The following TDRD7 variants were observed in gnomAD, a reference collection of about 807,000 sequenced individuals.
The protein encoded by TDRD7 is tudor domain-containing protein 7.
In TDRD7, 47 loss-of-function variants were observed where a neutral mutation model predicts 109.8. The observed-to-expected ratio is 0.43, with a 90% confidence interval of 0.34 to 0.55. TDRD7 has a LOEUF of 0.55. TDRD7 is among the 20% of genes least tolerant of loss of function. The pLI is 0.03. For synonymous variants in TDRD7, 424 were observed against 457.3 expected (o/e 0.93, Z 0.93); for missense variants, 1,164 against 1,319.2 (o/e 0.88, Z 1.82).
intron 9 of TDRD7, among the ~76,000 whole-genome samples, chr9:97,471,900 A>G (rs1323737212): frequency 6.6e-6 from 1 of 152,188 alleles, no homozygotes; most frequent in African/African-American, 2.4e-5. Flanking sequence ...TAAGAAAAAT[A>G]ATTGTATATA....
rs559470476 is a variant in TDRD7 at position 97,447,104 on chromosome 9, C to T, written c.855+5229C>T. ...AATTTTTAAATTTAAATTCGGTGAA[C>T]GTCTGAGTAGAAAAAAGATAAAATA... On this transcript the variant is annotated intron_variant, in intron 6 of 16. Transcript: ENST00000355295. 2.6e-4 allele frequency among the ~76,000 whole-genome samples: 40 copies of T among 152,064 alleles called. No homozygotes were observed. The South Asian group carries it at 5.0e-3, about 19-fold the overall frequency.
intron 3 of TDRD7, 24 bp from the exon 4 acceptor site, chr9:97,432,001 C>A (rs371353346): frequency 6.2e-7 from 1 of 1,607,104 alleles, no homozygotes; most frequent in South Asian, 1.1e-5. Flanking sequence ...TAATTGATTT[C>A]GTTATGTATG....
chr9:97,484,045 ATTAT>A (rs1397609791), intron 15 of TDRD7, among the ~76,000 whole-genome samples: 2 of 151,952 alleles, frequency 1.3e-5, no homozygotes, highest in African/African-American at 2.4e-5. Flanking sequence ...TGCATTTCTG[ATTAT>A]TTATTTACGG....
chr9:97,479,094 T>G (rs1379060595), intron 13 of TDRD7, among the ~76,000 whole-genome samples: 1 of 152,188 alleles, frequency 6.6e-6, no homozygotes, highest in African/African-American at 2.4e-5. Context: ...ACTCACTACC[T>G]TTAGGAGAAA....
chr9:97,447,231 A>T (rs1828417298), intron 6 of TDRD7, among the ~76,000 whole-genome samples: 1 of 152,184 alleles, frequency 6.6e-6, no homozygotes, highest in African/African-American at 2.4e-5. Context: ...AGTACACTAG[A>T]AGGAGTTTGG....
chr9:97,432,181 A>G lies in TDRD7; in HGVS notation c.506A>G (p.Asn169Ser), dbSNP rs1828115700. 1.2e-6 allele frequency: 2 copies of G among 1,613,768 alleles called. No individual in the cohort carries two copies. Among genetic ancestry groups the G allele is most frequent in the Non-Finnish European group, 1.7e-6 (2 of 1,179,802 alleles). ...SPYMLHTTLG[N>S]EAFKDIPVQR... ...TATATGCTACACACAACTCTTGGAAATGAAGCATTCAAAGACATTCCAGTG... is the reference window on the plus strand; with the variant it reads ...TATATGCTACACACAACTCTTGGAAGTGAAGCATTCAAAGACATTCCAGTG... Residue 169 changes from asparagine to serine, a missense_variant, in exon 4 of 17, where the codon AAT becomes AGT. Physicochemically the swap from Asn to Ser is conservative, Grantham distance 46. Around this residue, in one of 5 missense-constraint regions of TDRD7, gnomAD observed 407 missense variants for 394.0 expected, o/e 1.03. Coordinates refer to ENST00000355295, the MANE Select transcript of TDRD7 (RefSeq NM_014290.3).
chr9:97,475,035 C>T (rs931134911), intron 11 of TDRD7, among the ~76,000 whole-genome samples: 3 of 152,186 alleles, frequency 2.0e-5, no homozygotes, highest in African/African-American at 7.2e-5. Context: ...CTCTCGCAAC[C>T]TCCTCACTGT....
intron 16 of TDRD7, among the ~76,000 whole-genome samples, chr9:97,492,789 T>C (rs1369901190): frequency 6.6e-6 from 1 of 152,220 alleles, no homozygotes; most frequent in Non-Finnish European, 1.5e-5. Context: ...TATCACATTA[T>C]CCATTTTGAA....
intron 6 of TDRD7, among the ~76,000 whole-genome samples, chr9:97,446,610 A>G (rs1828405368): frequency 6.6e-6 from 1 of 152,102 alleles, no homozygotes; most frequent in South Asian, 2.1e-4. Context: ...AATCCTGCAG[A>G]CTCTTAAAAA....
rs77791665 is a variant in TDRD7, at chr9:97,494,871, C to T, written c.3077-792C>T. 8.1e-3 allele frequency among the ~76,000 whole-genome samples: 1,224 copies of T among 151,774 alleles called. 42 individuals carry two copies. In the East Asian group the frequency reaches 0.11, roughly 13 times the overall value. On this transcript the variant is annotated intron_variant, in intron 16 of 16. Transcript: ENST00000355295. Reference sequence around the variant, plus strand: ...GACTATAGGCACAGGCCATTACACCCGGCTAATTTTTGTATTTTTTGTAGA... The same window carrying T: ...GACTATAGGCACAGGCCATTACACCTGGCTAATTTTTGTATTTTTTGTAGA...
chr9:97,427,156 G>A (rs1828011421), intron 1 of TDRD7, among the ~76,000 whole-genome samples: 1 of 152,088 alleles, frequency 6.6e-6, no homozygotes. Flanking sequence ...TTTAATAAAA[G>A]GGTAAGCCAT....
intron 13 of TDRD7, among the ~76,000 whole-genome samples, chr9:97,478,981 C>T (rs186985136): frequency 6.6e-6 from 1 of 151,676 alleles, no homozygotes; most frequent in Admixed American, 6.6e-5. Flanking sequence ...CGGTGACTTC[C>T]CCACCATACA....
chr9:97,495,636 TC>T (rs1332875288), intron 16 of TDRD7, 26 bp from the exon 17 acceptor site: 2 of 1,600,274 alleles, frequency 1.2e-6, no homozygotes, highest in South Asian at 1.1e-5. Flanking sequence ...TCCTCACTGC[TC>T]CCTCTTCTTC....
At chr9:97,470,144 T>C (rs1259966688) in intron 8 of TDRD7, among the ~76,000 whole-genome samples, 1 of 152,186 alleles carries the variant, frequency 6.6e-6, no homozygotes, top group African/African-American at 2.4e-5. Flanking sequence ...CAAATACTGC[T>C]GTCCAGGGAA....
chr9:97,462,944 G>A (rs1828751815), intron 7 of TDRD7, among the ~76,000 whole-genome samples: 1 of 152,244 alleles, frequency 6.6e-6, no homozygotes, highest in Non-Finnish European at 1.5e-5. Context: ...CTGCAGCCCA[G>A]GCCTCTGCCA....
chr9:97,465,314 A>T (rs1432797904), intron 8 of TDRD7, among the ~76,000 whole-genome samples: 1 of 152,192 alleles, frequency 6.6e-6, no homozygotes, highest in East Asian at 1.9e-4. Context: ...TTCCTAGGGG[A>T]TGTATAATGA....
In TDRD7 at chr9:97,477,524, G is replaced by T. The variant is rs568373376; in HGVS notation, c.2167-915G>T. Among the ~76,000 whole-genome samples the T allele has an allele frequency of 8.7e-4, 133 of 152,092 alleles. 1 individual carries two copies. Among genetic ancestry groups the T allele is most frequent in the Non-Finnish European group, 4.9e-4 (33 of 67,998 alleles). ...TTTGGCAGAAAGAAGCCTTCTTAGTGTATGTCCAAATATTTTAGATAAATA... is the reference window on the plus strand; with the variant it reads ...TTTGGCAGAAAGAAGCCTTCTTAGTTTATGTCCAAATATTTTAGATAAATA... On this transcript the variant is annotated intron_variant, in intron 12 of 16. Coordinates refer to ENST00000355295, the MANE Select transcript of TDRD7 (RefSeq NM_014290.3).
intron 2 of TDRD7, 144 bp downstream of exon 2, chr9:97,428,816 A>T (rs1274596268): frequency 1.3e-6 from 1 of 750,692 alleles, no homozygotes; most frequent in Non-Finnish European, 2.3e-6. Flanking sequence ...AGAAAACAGC[A>T]TGTAAAGCAC....
At chr9:97,455,762 A>G (rs1428991150) in intron 6 of TDRD7, among the ~76,000 whole-genome samples, 3 of 152,224 alleles carry the variant, frequency 2.0e-5, no homozygotes, top group Non-Finnish European at 2.9e-5. Flanking sequence ...GAAAACTGGT[A>G]CAAGATGAGG....
Sources: allele counts gnomAD v4.1 joint callset (sites outside exome capture counted in the v4.1 genomes callset), GRCh38; gene constraint gnomAD v4.1.1; regional missense constraint gnomAD v4.1.1; transcripts MANE v1.5; gene names NCBI Gene and HGNC (gene_info 2026-07-23, HGNC 2026-07-21).